The following PNLIPRP3 variants were observed in gnomAD, a reference collection of about 807,000 sequenced individuals.
The protein encoded by PNLIPRP3 is pancreatic lipase-related protein 3.
PNLIPRP3 carries 58 observed loss-of-function variants against 52.8 expected under a neutral mutation model. The ratio of observed to expected loss-of-function variants is 1.10; its 90% CI spans 0.89 to 1.37. PNLIPRP3 has a LOEUF of 1.37. Ranked by LOEUF, PNLIPRP3 falls within the 40% of genes most tolerant of loss-of-function variation. The pLI is 0.00. For missense variants in PNLIPRP3, 593 were observed against 561.6 expected (o/e 1.06, Z -0.57); for synonymous variants, 192 against 185.0 (o/e 1.04, Z -0.31).
At chr10:116,455,534 A>G (rs562177724) in intron 4 of PNLIPRP3, among the ~76,000 whole-genome samples, 188 bp from the exon 5 acceptor site, 27 of 152,198 alleles carry the variant, frequency 1.8e-4, no homozygotes, top group Non-Finnish European at 3.8e-4. Context: ...CATTCTTCCA[A>G]GCTCATCTGT....
At chr10:116,443,941 A>C (rs1031919090) in intron 3 of PNLIPRP3, among the ~76,000 whole-genome samples, 12 of 151,150 alleles carry the variant, frequency 7.9e-5, no homozygotes, top group African/African-American at 2.7e-4. Context: ...TCATACTGCT[A>C]TAAAGAACTG....
chr10:116,443,852 G>T (rs1311383827), intron 3 of PNLIPRP3, among the ~76,000 whole-genome samples: 1 of 127,350 alleles, frequency 7.9e-6, no homozygotes, highest in African/African-American at 3.1e-5. Flanking sequence ...TATGGGTTAG[G>T]ACATACGTAT....
intron 7 of PNLIPRP3, among the ~76,000 whole-genome samples, 155 bp downstream of exon 7, chr10:116,461,445 A>T (rs911040310): frequency 6.6e-6 from 1 of 152,182 alleles, no homozygotes; most frequent in African/African-American, 2.4e-5. Context: ...CTGTTCTCAG[A>T]TCCACAAGAT....
At chr10:116,447,798 A>G (rs138614865) in intron 4 of PNLIPRP3, among the ~76,000 whole-genome samples, 2 of 151,986 alleles carry the variant, frequency 1.3e-5, no homozygotes, top group African/African-American at 4.8e-5. Context: ...GTAGCTGGTC[A>G]TGGTGGCGCG....
At chr10:116,463,097 G>A (rs1729043528) in intron 7 of PNLIPRP3, among the ~76,000 whole-genome samples, 1 of 152,090 alleles carries the variant, frequency 6.6e-6, no homozygotes, top group African/African-American at 2.4e-5. Flanking sequence ...AGAAGTCTTT[G>A]TTTAATAAAA....
In PNLIPRP3 at chr10:116,427,965, G is replaced by T. The variant is rs1042942340; in HGVS notation, c.-48G>T. 1.4e-6 allele frequency: 2 copies of T among 1,440,320 alleles called. No individual in the cohort carries two copies. The highest frequency in any genetic ancestry group is 2.0e-6 in the Non-Finnish European group (2 of 1,024,916). The allele number at this position is 1,440,320 out of a possible 1,614,324, so 89.2% of individuals were successfully genotyped here. On this transcript the variant is annotated 5_prime_UTR_variant, in exon 1 of 12. Transcript: ENST00000369230. ...ATTTTATAGTGAGGTGACTTTACAAGTAAAGATCTTCAAGAAGATTTTTAT... is the reference window on the plus strand; with the variant it reads ...ATTTTATAGTGAGGTGACTTTACAATTAAAGATCTTCAAGAAGATTTTTAT...
intron 10 of PNLIPRP3, among the ~76,000 whole-genome samples, chr10:116,476,435 A>G (rs959905450): frequency 5.3e-5 from 8 of 152,182 alleles, no homozygotes; most frequent in African/African-American, 1.9e-4. Context: ...TCTAAAAATC[A>G]CCTAGCCAAG....
chr10:116,472,430 T>C (rs1846387825), intron 10 of PNLIPRP3, among the ~76,000 whole-genome samples: 1 of 152,222 alleles, frequency 6.6e-6, no homozygotes. Flanking sequence ...CATTTTTGTA[T>C]TATGTTCATG....
At chr10:116,467,544 C>A (rs1298679963) in intron 8 of PNLIPRP3, among the ~76,000 whole-genome samples, 1 of 152,132 alleles carries the variant, frequency 6.6e-6, no homozygotes, top group African/African-American at 2.4e-5. Flanking sequence ...ACATTTCATT[C>A]CTTTTCCTTT....
At chr10:116,441,888 A>G (rs369989915) in intron 2 of PNLIPRP3, among the ~76,000 whole-genome samples, 1 of 152,208 alleles carries the variant, frequency 6.6e-6, no homozygotes, top group Non-Finnish European at 1.5e-5. Context: ...CCTGGCAAAT[A>G]GACAGATAGG....
At position 116,469,176 on chromosome 10, in the gene PNLIPRP3, T is replaced by C; in HGVS notation, c.928-9T>C. The C allele has an allele frequency of 6.2e-7, 1 of 1,609,212 alleles. No homozygotes were observed. Among genetic ancestry groups the C allele is most frequent in the Admixed American group, 1.7e-5 (1 of 59,252 alleles). The stretch of plus-strand genomic sequence containing the variant: ...ACATAAGTAATCACCTTTCATTTTC[T>C]GTCATCAGGGAAATTGCTTCTTTTG... On this transcript the variant is annotated splice_polypyrimidine_tract_variant and intron_variant, in intron 8 of 11. Coordinates refer to ENST00000369230, the MANE Select transcript of PNLIPRP3 (RefSeq NM_001011709.3).
chr10:116,466,032 T>G lies in PNLIPRP3; in HGVS notation c.809-18T>G. The G allele has an allele frequency of 6.5e-7, 1 of 1,539,036 alleles. No homozygotes were observed. The highest frequency in any genetic ancestry group is 9.0e-7 in the Non-Finnish European group (1 of 1,112,120). The stretch of plus-strand genomic sequence containing the variant: ...TATCAGTTAATTGCTATCAGTTAAT[T>G]GGGAATTGTTTTCACAGAAATGGCT... On this transcript the variant is annotated intron_variant, in intron 7 of 11. Coordinates refer to ENST00000369230, the MANE Select transcript of PNLIPRP3 (RefSeq NM_001011709.3).
At chr10:116,433,241 T>C (rs1845733074) in intron 1 of PNLIPRP3, among the ~76,000 whole-genome samples, 1 of 148,208 alleles carries the variant, frequency 6.7e-6, no homozygotes, top group East Asian at 2.0e-4. Context: ...GCAAAATTTC[T>C]AAATGACAAA....
intron 1 of PNLIPRP3, among the ~76,000 whole-genome samples, chr10:116,433,272 T>C (rs1317119411): frequency 6.6e-6 from 1 of 151,310 alleles, no homozygotes; most frequent in Non-Finnish European, 1.5e-5. Flanking sequence ...AACAAAAATA[T>C]AGACAACAAA....
At position 116,443,323 on chromosome 10, in the gene PNLIPRP3, C is replaced by A. The variant is rs1037899756; in HGVS notation, c.324+149C>A. On this transcript the variant is annotated intron_variant, in intron 3 of 11. Transcript: ENST00000369230. Reference sequence around the variant, plus strand: ...TGTTCTGGGGCCTCAAATTAGTTATCCATTTCCCATTTATTTTTATTATAA... The same window carrying A: ...TGTTCTGGGGCCTCAAATTAGTTATACATTTCCCATTTATTTTTATTATAA... The A allele has an allele frequency of 3.7e-6, 3 of 801,910 alleles. No individual in the cohort carries two copies. The African/African-American group carries it at 5.4e-5, about 14-fold the overall frequency. The allele number at this position is 801,910 out of a possible 1,614,324, so 49.7% of individuals were successfully genotyped here. A position where few individuals can be genotyped will look rare whatever the true frequency, so the allele number is the denominator to read the frequency against.
intron 4 of PNLIPRP3, among the ~76,000 whole-genome samples, chr10:116,455,079 T>G (rs1307451300): frequency 6.6e-6 from 1 of 152,230 alleles, no homozygotes; most frequent in Non-Finnish European, 1.5e-5. Context: ...CTAACAGATG[T>G]GAGGTGATAT....
At chr10:116,429,511 G>T (rs966709918) in intron 1 of PNLIPRP3, among the ~76,000 whole-genome samples, 2 of 152,216 alleles carry the variant, frequency 1.3e-5, no homozygotes, top group East Asian at 3.8e-4. Flanking sequence ...GTAACATCTT[G>T]GCGCTAGCTT....
chr10:116,439,544 T>C, intron 2 of PNLIPRP3: 1 of 838,044 alleles, frequency 1.2e-6, no homozygotes, highest in South Asian at 1.4e-5. Flanking sequence ...CAGGACGCTT[T>C]GCGCCATCAA....
Position 116,477,226 on chromosome 10 carries a change from A to C in PNLIPRP3, c.*73A>C, listed in dbSNP as rs1012196485. 72 of 1,291,764 alleles carry C rather than the reference A, an allele frequency of 5.6e-5. No individual in the cohort carries two copies. The highest frequency in any genetic ancestry group is 7.3e-5 in the Non-Finnish European group (67 of 916,356). The allele number at this position is 1,291,764 out of a possible 1,614,324, so 80.0% of individuals were successfully genotyped here. The stretch of plus-strand genomic sequence containing the variant: ...AAGTGTCTCCTTCCACCTGGCATCC[A>C]GACCAAATTTGACCCTTGTAAATGA... On this transcript the variant is annotated 3_prime_UTR_variant, in exon 12 of 12. Transcript: ENST00000369230.
Sources: allele counts gnomAD v4.1 joint callset (sites outside exome capture counted in the v4.1 genomes callset), GRCh38; gene constraint gnomAD v4.1.1; transcripts MANE v1.5; gene names NCBI Gene and HGNC (gene_info 2026-07-23, HGNC 2026-07-21).